The following KLF12 variants were observed in gnomAD, a reference collection of about 807,000 sequenced individuals.
KLF12 encodes the protein KLF transcription factor 12.
KLF12 carries 9 observed loss-of-function variants against 37.8 expected under a neutral mutation model. The ratio of observed to expected loss-of-function variants is 0.24; its 90% CI spans 0.14 to 0.42. KLF12 has a LOEUF of 0.42. KLF12 is among the 10% of genes least tolerant of loss of function. The pLI is 1.00. For missense variants in KLF12, 411 were observed against 516.0 expected (o/e 0.80, Z 1.97); for synonymous variants, 208 against 202.1 (o/e 1.03, Z -0.25).
intron 1 of KLF12, among the ~76,000 whole-genome samples, chr13:74,080,653 G>A (rs1874830321): frequency 6.6e-6 from 1 of 152,110 alleles, no homozygotes; most frequent in Non-Finnish European, 1.5e-5. Context: ...AAGCTTCCCA[G>A]GAAATGGCTC....
At chr13:73,900,404 C>T (rs1887985657) in intron 3 of KLF12, among the ~76,000 whole-genome samples, 1 of 152,122 alleles carries the variant, frequency 6.6e-6, no homozygotes, top group South Asian at 2.1e-4. Flanking sequence ...CAATAACTAG[C>T]AGTCACAAAA....
chr13:73,893,009 G>C (rs1412659823), intron 3 of KLF12, among the ~76,000 whole-genome samples: 2 of 151,302 alleles, frequency 1.3e-5, no homozygotes, highest in Non-Finnish European at 2.9e-5. Flanking sequence ...ATGTTCAGAG[G>C]CAAGAGCTTT....
chr13:74,108,598 GCTGA>G (rs1182108718), intron 1 of KLF12, among the ~76,000 whole-genome samples: 6 of 152,128 alleles, frequency 3.9e-5, no homozygotes, highest in Admixed American at 1.3e-4. Context: ...AATACTAGTA[GCTGA>G]CTATTGACCT....
At chr13:74,242,366 A>C in the KLF12 span, among the ~76,000 whole-genome samples, 1 of 152,258 alleles carries the variant, frequency 6.6e-6, no homozygotes, top group Non-Finnish European at 1.5e-5. Flanking sequence ...GGTGGAAGGC[A>C]AAAGCCATGT....
intron 6 of KLF12, among the ~76,000 whole-genome samples, chr13:73,750,777 T>C (rs903904129): frequency 8.5e-5 from 13 of 152,216 alleles, no homozygotes; most frequent in Non-Finnish European, 1.8e-4. Flanking sequence ...TTTTTCCTGA[T>C]GCAGAAGAAC....
the KLF12 span, among the ~76,000 whole-genome samples, chr13:74,289,696 A>T: frequency 2.6e-5 from 4 of 152,232 alleles, no homozygotes; most frequent in Non-Finnish European, 5.9e-5. Flanking sequence ...CTACAGCAGG[A>T]TTCAAAATTT....
the KLF12 span, among the ~76,000 whole-genome samples, chr13:74,174,330 C>CTTTTT: frequency 7.1e-6 from 1 of 140,614 alleles, no homozygotes. Context: ...TTCTTTCTTT[C>CTTTTT]TTTTCTTTTT....
At chr13:74,208,105 T>G in the KLF12 span, among the ~76,000 whole-genome samples, 5 of 152,186 alleles carry the variant, frequency 3.3e-5, no homozygotes, top group African/African-American at 1.2e-4. Flanking sequence ...TTTTTGACAT[T>G]AGGAATGCTC....
chr13:74,261,012 T>C, the KLF12 span, among the ~76,000 whole-genome samples: 2 of 152,018 alleles, frequency 1.3e-5, no homozygotes, highest in East Asian at 3.9e-4. Flanking sequence ...GGGGGTGAGG[T>C]AAAAAAGACC....
chr13:73,954,683 A>G (rs997149467), intron 2 of KLF12, among the ~76,000 whole-genome samples: 3 of 152,246 alleles, frequency 2.0e-5, no homozygotes, highest in African/African-American at 7.2e-5. Context: ...CTCACAATGC[A>G]GAGAAGAAAG....
At chr13:73,917,030 C>A (rs763073059) in intron 3 of KLF12, among the ~76,000 whole-genome samples, 13 of 152,194 alleles carry the variant, frequency 8.5e-5, no homozygotes, top group Non-Finnish European at 1.5e-4. Flanking sequence ...AACTAGGTCA[C>A]AGAATGGCCA....
Position 73,866,888 on chromosome 13 carries a change from G to T in KLF12, c.124-20515C>A, listed in dbSNP as rs191169407. Among the ~76,000 whole-genome samples, 38 of 150,682 alleles carry T rather than the reference G, an allele frequency of 2.5e-4. No homozygotes were observed. The East Asian group carries it at 7.8e-3, about 31-fold the overall frequency. On this transcript the variant is annotated intron_variant, in intron 3 of 7. Coordinates refer to ENST00000377669, the MANE Select transcript of KLF12 (RefSeq NM_007249.5). ...AGGTTTAAAATGTGGGGCAAAAAGG[G>T]GGGGGGGAATTTATAGAGTTAAAAT... is the stretch of plus-strand genomic sequence containing the variant.
At chr13:73,850,268 T>G (rs1012587833) in intron 3 of KLF12, among the ~76,000 whole-genome samples, 2 of 151,926 alleles carry the variant, frequency 1.3e-5, no homozygotes, top group Admixed American at 6.6e-5. Flanking sequence ...AGTGAACATG[T>G]TTTTTTTGAG....
intron 1 of KLF12, among the ~76,000 whole-genome samples, chr13:74,126,545 T>C (rs1056282695): frequency 1.3e-5 from 2 of 152,210 alleles, no homozygotes; most frequent in African/African-American, 4.8e-5. Flanking sequence ...CTAATGATTA[T>C]TGTCTCAATT....
At chr13:73,932,950 A>G (rs902596996) in intron 3 of KLF12, among the ~76,000 whole-genome samples, 5 of 152,186 alleles carry the variant, frequency 3.3e-5, no homozygotes, top group African/African-American at 9.7e-5. Context: ...ACTAGTTACA[A>G]TGATCAAAAC....
chr13:73,805,637 G>A (rs1368467634), intron 5 of KLF12, among the ~76,000 whole-genome samples: 2 of 52,974 alleles, frequency 3.8e-5, no homozygotes, highest in Non-Finnish European at 7.3e-5. Flanking sequence ...AGGGAGGGAG[G>A]GAGGGAGGGA....
chr13:74,288,833 C>T, the KLF12 span, among the ~76,000 whole-genome samples: 47 of 152,294 alleles, frequency 3.1e-4, 1 homozygote, highest in Admixed American at 9.8e-4. Flanking sequence ...GGAGTAGAGC[C>T]TCACCCTTCC....
At chr13:74,014,290 C>T (rs1328409020) in intron 1 of KLF12, among the ~76,000 whole-genome samples, 2 of 152,184 alleles carry the variant, frequency 1.3e-5, no homozygotes, top group African/African-American at 4.8e-5. Context: ...GATAGATTTG[C>T]TTATTCCATG....
At chr13:73,859,227 C>T (rs1885781813) in intron 3 of KLF12, among the ~76,000 whole-genome samples, 1 of 152,178 alleles carries the variant, frequency 6.6e-6, no homozygotes, top group South Asian at 2.1e-4. Flanking sequence ...GGGAGAGCTT[C>T]TAAGGACCAC....
Sources: allele counts gnomAD v4.1 joint callset (sites outside exome capture counted in the v4.1 genomes callset), GRCh38; gene constraint gnomAD v4.1.1; transcripts MANE v1.5; gene names NCBI Gene and HGNC (gene_info 2026-07-23, HGNC 2026-07-21).